The following EPHA8 variants were observed in gnomAD, a reference collection of about 807,000 sequenced individuals.
EPHA8 encodes the protein EPH receptor A8, also known as ephrin type-A receptor 8.
A neutral mutation model predicts 103.6 loss-of-function variants in EPHA8; 58 were observed. The observed-to-expected ratio is 0.56, with a 90% CI of 0.45 to 0.70. The LOEUF (loss-of-function observed/expected upper bound fraction) is 0.70. Among genes scored for constraint, EPHA8 ranks in the 30% least tolerant of loss-of-function variants. The pLI is 0.00. For synonymous variants in EPHA8, 559 were observed against 572.5 expected, an observed-to-expected ratio of 0.98 and a Z score of 0.34; for missense variants, 1,304 against 1,395.2, an observed-to-expected ratio of 0.93 and a Z score of 1.04.
At chr1:22,580,322 A>G (rs575530078) in intron 3 of EPHA8, among the ~76,000 whole-genome samples, 3 of 152,026 alleles carry the variant, frequency 2.0e-5, no homozygotes, top group African/African-American at 7.2e-5. Context: ...TATTTTTAGT[A>G]GAGACAAGAT....
At position 22,589,199 on chromosome 1, in the gene EPHA8, C is replaced by T. The variant is rs770259330; in HGVS notation, c.1308C>T (p.Asn436=). ...RRAAVVNITT[N]QAAPSQVVVI... is the part of the protein sequence containing the mutation. ...CCGCTGTGGTCAACATCACCACGAA[C>T]CAGGCAGGTAGGCGGAGAAACTCCG... Residue 436 remains asparagine (N), a synonymous_variant, in exon 5 of 17, where the codon AAC becomes AAT. Transcript: ENST00000166244. The surrounding 1 kb of genome is among the most constrained non-coding windows in gnomAD (Gnocchi z 4.3). 3.1e-6 allele frequency: 5 copies of T among 1,613,858 alleles called. No homozygotes were observed. In the Admixed American group the frequency reaches 8.3e-5, roughly 27 times the overall value.
chr1:22,574,933 C>T (rs556546050), intron 2 of EPHA8, among the ~76,000 whole-genome samples: 11 of 152,326 alleles, frequency 7.2e-5, no homozygotes, highest in Middle Eastern at 3.4e-3. Flanking sequence ...AATTTCTCCA[C>T]ATCCTTGCCA....
chr1:22,578,088 C>CATGTAGCGTCAGTGTGTGA (rs1640805802), intron 3 of EPHA8, among the ~76,000 whole-genome samples: 1 of 29,404 alleles, frequency 3.4e-5, no homozygotes, highest in Non-Finnish European at 7.3e-5. Flanking sequence ...CATGTGTGTG[C>CATGTAGCGTCAGTGTGTGA]ATGTAGCGTC....
chr1:22,571,157 C>T (rs1400229748), intron 2 of EPHA8, among the ~76,000 whole-genome samples: 3 of 152,154 alleles, frequency 2.0e-5, no homozygotes, highest in African/African-American at 4.8e-5. Flanking sequence ...TGGCTGGCCT[C>T]GTGTTTTGGA....
chr1:22,594,327 A>G (rs1570021188), intron 7 of EPHA8, among the ~76,000 whole-genome samples: 1 of 152,344 alleles, frequency 6.6e-6, no homozygotes, highest in Non-Finnish European at 1.5e-5. Context: ...CGCTCGCCTG[A>G]GGCGGCAGAG....
At chr1:22,580,112 G>C (rs966648599) in intron 3 of EPHA8, among the ~76,000 whole-genome samples, 1 of 145,840 alleles carries the variant, frequency 6.9e-6, no homozygotes, top group South Asian at 2.2e-4. Flanking sequence ...AGGCTCTCTG[G>C]TTTTCTTTCT....
chr1:22,590,599 G>T (rs1641346649), intron 5 of EPHA8, among the ~76,000 whole-genome samples: 1 of 152,014 alleles, frequency 6.6e-6, no homozygotes, highest in African/African-American at 2.4e-5. Flanking sequence ...CCATTGACCT[G>T]TGTGGCCTGT....
At chr1:22,575,240 C>T (rs889968529) in intron 2 of EPHA8, among the ~76,000 whole-genome samples, 10 of 147,734 alleles carry the variant, frequency 6.8e-5, no homozygotes, top group African/African-American at 2.1e-4. Context: ...CGTGAGCCAC[C>T]GCACCTGGCC....
intron 7 of EPHA8, among the ~76,000 whole-genome samples, chr1:22,594,654 A>G (rs147353583): frequency 6.6e-6 from 1 of 152,130 alleles, no homozygotes; most frequent in Non-Finnish European, 1.5e-5. Flanking sequence ...AGAGCTAGTG[A>G]CCGCCCACCT....
intron 8 of EPHA8, 44 bp from the exon 9 acceptor site, chr1:22,596,062 T>C (rs981193876): frequency 6.2e-7 from 1 of 1,601,160 alleles, no homozygotes. Flanking sequence ...GGTCCCGGGC[T>C]AGGGGTGGCC....
rs1640468675 is a variant in EPHA8, at chr1:22,569,703, T to G, written c.159+350T>G. Among the ~76,000 whole-genome samples the G allele has an allele frequency of 1.3e-5, 2 of 152,122 alleles. No individual in the cohort carries two copies. The highest frequency in any genetic ancestry group is 6.5e-5 in the Admixed American group (1 of 15,280). ...TCTGGGTTGCTCCCTCCCTCCCAGC[T>G]GCCCTGGCCTCACCAGTCCTCCGAC... On this transcript the variant is annotated intron_variant, in intron 2 of 16. Transcript: ENST00000166244. This position sits in a 1 kb window ranked among gnomAD's most constrained non-coding sequence, Gnocchi z 4.5.
At chr1:22,594,516 T>A (rs773460530) in intron 7 of EPHA8, among the ~76,000 whole-genome samples, 9 of 152,210 alleles carry the variant, frequency 5.9e-5, no homozygotes, top group Non-Finnish European at 1.2e-4. Flanking sequence ...TCCTCGGTGA[T>A]CCCCAGGCAC....
chr1:22,589,237 C>G lies in EPHA8; in HGVS notation c.1315+31C>G, dbSNP rs1405075072. 3.7e-6 allele frequency: 6 copies of G among 1,614,040 alleles called. No individual in the cohort carries two copies. The highest frequency in any genetic ancestry group is 1.3e-5 in the African/African-American group (1 of 75,080). On this transcript the variant is annotated intron_variant, in intron 5 of 16. Transcript: ENST00000166244. The surrounding 1 kb of genome is among the most constrained non-coding windows in gnomAD (Gnocchi z 4.3). ...CGGAGAAACTCCGTCCCGCAGCGTC[C>G]TGGTCCCCCAGCTTCCCCTGCCTCA...
At position 22,576,582 on chromosome 1, in the gene EPHA8, C is replaced by T. The variant is rs373550898; in HGVS notation, c.525C>T (p.Pro175=). The T allele has an allele frequency of 1.2e-6, 2 of 1,613,994 alleles. No individual in the cohort carries two copies. Among genetic ancestry groups the T allele is most frequent in the South Asian group, 1.1e-5 (1 of 91,086 alleles). The change falls in exon 3 of 17, where the codon CCC becomes CCT. Residue 175 remains proline (P), a synonymous_variant. Transcript: ENST00000166244. The surrounding 1 kb of genome is among the most constrained non-coding windows in gnomAD (Gnocchi z 4.8). ...KLNTEVRSVG[P]LSKRGFYLAF... ...ACACGGAGGTGCGCAGTGTGGGTCC[C>T]CTCAGCAAGCGCGGCTTCTACCTGG...
intron 3 of EPHA8, among the ~76,000 whole-genome samples, chr1:22,580,699 C>T (rs988228667): frequency 1.3e-5 from 2 of 152,230 alleles, no homozygotes; most frequent in African/African-American, 2.4e-5. Flanking sequence ...CATAGCGGGG[C>T]GCATCACATA....
At position 22,586,485 on chromosome 1, in the gene EPHA8, G is replaced by A. The variant is rs1440723185; in HGVS notation, c.829G>A (p.Glu277Lys). 1 of 1,613,390 alleles carries A rather than the reference G, an allele frequency of 6.2e-7. No homozygotes were observed. The highest frequency in any genetic ancestry group is 1.1e-5 in the South Asian group (1 of 91,036). Residue 277 changes from glutamate (E) to lysine (K), a missense_variant, in exon 4 of 17, where the codon GAG becomes AAG. By Grantham distance (56) the Glu-to-Lys change is moderately conservative. Transcript: ENST00000166244. The part of the protein sequence containing the change: ...EERRDACVAC[E>K]LGFYKSAPGD... ...AGCCGCCTTCTCCTCCACAGCCTGT[G>A]AGCTGGGCTTCTACAAGTCAGCCCC...
At chr1:22,600,440 C>T (rs1037318826) in intron 13 of EPHA8, among the ~76,000 whole-genome samples, 2 of 151,868 alleles carry the variant, frequency 1.3e-5, no homozygotes, top group Admixed American at 6.6e-5. Context: ...TGGTATTGGC[C>T]GAGCATCTGC....
chr1:22,585,052 C>CGTGCGCGT (rs1553146964), intron 3 of EPHA8, among the ~76,000 whole-genome samples: 1 of 144,370 alleles, frequency 6.9e-6, no homozygotes, highest in African/African-American at 2.7e-5. Context: ...TGTGTGTGTG[C>CGTGCGCGT]GCACGCGTGT....
intron 7 of EPHA8, 43 bp from the exon 8 acceptor site, chr1:22,595,187 A>G (rs771761354): frequency 1.9e-6 from 3 of 1,546,732 alleles, no homozygotes; most frequent in East Asian, 4.6e-5. Context: ...GCCCAAGGCC[A>G]GGGCTGAGAG....
Sources: allele counts gnomAD v4.1 joint callset (sites outside exome capture counted in the v4.1 genomes callset), GRCh38; gene constraint gnomAD v4.1.1; non-coding constraint Gnocchi (gnomAD v3.1); transcripts MANE v1.5; gene names NCBI Gene and HGNC (gene_info 2026-07-23, HGNC 2026-07-21).